ARHGAP12: variants seen among roughly 807,000 people sequenced by gnomAD.
ARHGAP12 encodes the protein Rho GTPase activating protein 12, also known as rho GTPase-activating protein 12.
In ARHGAP12, 64 loss-of-function variants were observed where a neutral mutation model predicts 108.6. The observed-to-expected ratio is 0.59, with a 90% CI of 0.48 to 0.73. The LOEUF is 0.73. Among genes scored for constraint, ARHGAP12 ranks in the 30% least tolerant of loss-of-function variants. The pLI is 0.00. For missense variants in ARHGAP12, 940 were observed against 1,005.9 expected (o/e 0.93, Z 0.89); for synonymous variants, 312 against 337.2 (o/e 0.93, Z 0.82).
chr10:31,895,004 T>C (rs1241374633), intron 3 of ARHGAP12, among the ~76,000 whole-genome samples: 1 of 152,212 alleles, frequency 6.6e-6, no homozygotes, highest in Non-Finnish European at 1.5e-5. Flanking sequence ...GGGGAAAGGA[T>C]TCCCTATTTA....
intron 4 of ARHGAP12, among the ~76,000 whole-genome samples, chr10:31,855,124 G>T (rs1302782957): frequency 9.5e-6 from 1 of 105,212 alleles, no homozygotes; most frequent in Non-Finnish European, 2.0e-5. Context: ...GAGGAAGGGA[G>T]GGGGAGAAGG....
At position 31,814,486 on chromosome 10, in the gene ARHGAP12, T is replaced by C. The variant is rs1013611656; in HGVS notation, c.1732-125A>G. 5 of 728,720 alleles carry C rather than the reference T, an allele frequency of 6.9e-6. No homozygotes were observed. The African/African-American group carries it at 8.8e-5, about 13-fold the overall frequency. 45.1% of individuals were successfully genotyped at this position (728,720 alleles called of 1,614,324 possible). ...AACAATTTTAGGAAACCAATTAGTA[T>C]ACAGTATGTATGACTTAGATATTTG... On this transcript the variant is annotated intron_variant, in intron 13 of 19. Coordinates refer to ENST00000344936, the MANE Select transcript of ARHGAP12 (RefSeq NM_018287.7).
At chr10:31,877,154 T>C (rs1247150529) in intron 3 of ARHGAP12, among the ~76,000 whole-genome samples, 1 of 152,228 alleles carries the variant, frequency 6.6e-6, no homozygotes, top group Admixed American at 6.5e-5. Flanking sequence ...TTGCTCAGCA[T>C]TTCCTTTTGG....
chr10:31,828,156 T>C (rs937052257), intron 10 of ARHGAP12, among the ~76,000 whole-genome samples: 1 of 152,076 alleles, frequency 6.6e-6, no homozygotes, highest in African/African-American at 2.4e-5. Context: ...CTCCCTAGGA[T>C]GAACTTTGCT....
intron 3 of ARHGAP12, among the ~76,000 whole-genome samples, chr10:31,872,101 T>C (rs35514338): frequency 4.6e-5 from 7 of 152,172 alleles, no homozygotes; most frequent in Admixed American, 2.0e-4. Context: ...GTCTTGTTTG[T>C]CTCTTCATCT....
chr10:31,879,103 A>G (rs1837843092), intron 3 of ARHGAP12, among the ~76,000 whole-genome samples: 2 of 152,182 alleles, frequency 1.3e-5, no homozygotes, highest in Admixed American at 1.3e-4. Context: ...GTAAGGTTTA[A>G]TATCTATTTA....
chr10:31,834,812 A>G (rs967026032), intron 9 of ARHGAP12, among the ~76,000 whole-genome samples: 1 of 152,226 alleles, frequency 6.6e-6, no homozygotes, highest in Non-Finnish European at 1.5e-5. Context: ...GAGAAAATAA[A>G]GCTTTAACTA....
intron 4 of ARHGAP12, among the ~76,000 whole-genome samples, chr10:31,855,091 AGGAGGGGAGG>A (rs1325296866): frequency 1.6e-5 from 1 of 63,166 alleles, no homozygotes; most frequent in Admixed American, 2.3e-4. Context: ...GGGGGCGAAA[AGGAGGGGAGG>A]GGAGGGGAGG....
chr10:31,822,913 G>A (rs899525972), intron 11 of ARHGAP12, among the ~76,000 whole-genome samples: 5 of 151,904 alleles, frequency 3.3e-5, no homozygotes, highest in African/African-American at 9.7e-5. Flanking sequence ...ACCCTACCAC[G>A]CAAAGGACAG....
rs776694615 is a variant in ARHGAP12, at chr10:31,812,693, C to T, written c.1951+14G>A. ...CCAACATTCATTATTATCAACAATA[C>T]TTCTCCTACCAACCTTTAATATAAC... is the stretch of plus-strand genomic sequence containing the variant. On this transcript the variant is annotated intron_variant, in intron 15 of 19. Transcript: ENST00000344936. 7 of 1,513,624 alleles carry T rather than the reference C, an allele frequency of 4.6e-6. No individual in the cohort carries two copies. The highest frequency in any genetic ancestry group is 2.3e-5 in the East Asian group (1 of 44,332). The allele number at this position is 1,513,624 out of a possible 1,614,324, so 93.8% of individuals were successfully genotyped here.
chr10:31,857,692 TAAAGA>T (rs1836939271), intron 4 of ARHGAP12, among the ~76,000 whole-genome samples: 1 of 152,044 alleles, frequency 6.6e-6, no homozygotes, highest in African/African-American at 2.4e-5. Flanking sequence ...AAACTACACT[TAAAGA>T]AAAGACAATC....
chr10:31,925,377 T>G (rs1839991734), intron 1 of ARHGAP12, among the ~76,000 whole-genome samples: 1 of 152,210 alleles, frequency 6.6e-6, no homozygotes, highest in Non-Finnish European at 1.5e-5. Flanking sequence ...AGTTTTAGAT[T>G]TACATAATTA....
At chr10:31,912,074 AC>A (rs1234859730) in intron 1 of ARHGAP12, among the ~76,000 whole-genome samples, 1 of 152,174 alleles carries the variant, frequency 6.6e-6, no homozygotes. Flanking sequence ...GACCTTTCAG[AC>A]GCTCAGTCGT....
At chr10:31,918,853 T>C (rs1364219171) in intron 1 of ARHGAP12, among the ~76,000 whole-genome samples, 1 of 152,180 alleles carries the variant, frequency 6.6e-6, no homozygotes, top group Non-Finnish European at 1.5e-5. Flanking sequence ...GAAAATACAA[T>C]TACCACATTA....
intron 2 of ARHGAP12, among the ~76,000 whole-genome samples, chr10:31,909,377 T>C (rs1266191071): frequency 6.6e-6 from 1 of 152,038 alleles, no homozygotes; most frequent in African/African-American, 2.4e-5. Context: ...AACACGGCAT[T>C]ACGGGTTTAA....
chr10:31,868,380 T>C (rs1229105346), intron 3 of ARHGAP12, among the ~76,000 whole-genome samples: 1 of 152,234 alleles, frequency 6.6e-6, no homozygotes. Context: ...TTTTTTTCTA[T>C]GTGATTTCCC....
intron 1 of ARHGAP12, among the ~76,000 whole-genome samples, chr10:31,911,259 G>A (rs190309772): frequency 6.6e-6 from 1 of 152,084 alleles, no homozygotes; most frequent in Non-Finnish European, 1.5e-5. Context: ...CCTGACCTCA[G>A]GTGATCCGCC....
intron 6 of ARHGAP12, among the ~76,000 whole-genome samples, chr10:31,844,012 C>T (rs777745814): frequency 1.3e-5 from 2 of 152,070 alleles, no homozygotes; most frequent in Non-Finnish European, 2.9e-5. Flanking sequence ...CTACTTCTAT[C>T]TCTTCTACTA....
intron 5 of ARHGAP12, 85 bp from the exon 6 acceptor site, chr10:31,852,682 C>A: frequency 7.5e-6 from 5 of 664,766 alleles, no homozygotes; most frequent in East Asian, 3.7e-5. Context: ...AGATTTAATT[C>A]TTATGAATTT....
Sources: gnomAD v4.1 joint callset for allele counts (sites outside exome capture counted in the v4.1 genomes callset) on GRCh38, gnomAD v4.1.1 for gene constraint, MANE v1.5 for transcripts, NCBI Gene and HGNC (gene_info 2026-07-23, HGNC 2026-07-21) for gene names.